The following CAMSAP2 variants were observed in gnomAD, a reference collection of about 807,000 sequenced individuals.
CAMSAP2 encodes the protein calmodulin regulated spectrin associated protein family member 2, also known as calmodulin-regulated spectrin-associated protein 2.
A neutral mutation model predicts 146.1 loss-of-function variants in CAMSAP2; 26 were observed. The ratio of observed to expected loss-of-function variants is 0.18; its 90% CI spans 0.13 to 0.25. The LOEUF is 0.25. CAMSAP2 is among the 10% of genes least tolerant of loss of function. The pLI, the probability that CAMSAP2 is intolerant of heterozygous loss-of-function variation, is 1.00. For synonymous variants in CAMSAP2, 499 were observed against 596.6 expected, an observed-to-expected ratio of 0.84 and a Z score of 2.38; for missense variants, 1,381 against 1,759.3, an observed-to-expected ratio of 0.78 and a Z score of 3.85.
rs1342213721 is a variant in CAMSAP2, at chr1:200,819,305, C to G, written c.645+3661C>G. 2.0e-5 allele frequency among the ~76,000 whole-genome samples: 3 copies of G among 152,062 alleles called. No homozygotes were observed. In the East Asian group the frequency reaches 5.8e-4, roughly 29 times the overall value. On this transcript the variant is annotated intron_variant, in intron 4 of 16. Transcript: ENST00000358823. Reference sequence around the variant, plus strand: ...TTTTTCCAAGTTGCTCATTTTGCTTCTAATACTTCTTTTGATTGTAAATTA... The same window carrying G: ...TTTTTCCAAGTTGCTCATTTTGCTTGTAATACTTCTTTTGATTGTAAATTA...
intron 2 of CAMSAP2, among the ~76,000 whole-genome samples, chr1:200,774,197 G>C (rs1387522775): frequency 6.6e-6 from 1 of 151,976 alleles, no homozygotes; most frequent in Non-Finnish European, 1.5e-5. Context: ...TAATGTCAGT[G>C]ATGTGATTTA....
chr1:200,837,273 G>A (rs146139768), intron 6 of CAMSAP2, among the ~76,000 whole-genome samples: 33 of 152,176 alleles, frequency 2.2e-4, no homozygotes, highest in African/African-American at 7.5e-4. Flanking sequence ...TTTATATAGT[G>A]TAAGGAAAGT....
At chr1:200,798,203 GA>G (rs1665938665) in intron 2 of CAMSAP2, among the ~76,000 whole-genome samples, 1 of 150,086 alleles carries the variant, frequency 6.7e-6, no homozygotes. Flanking sequence ...ATTCTGTGAA[GA>G]AAGTCATTGG....
chr1:200,799,975 G>A (rs981635820), intron 2 of CAMSAP2, among the ~76,000 whole-genome samples: 1 of 152,156 alleles, frequency 6.6e-6, no homozygotes, highest in South Asian at 2.1e-4. Flanking sequence ...TAGTTTAGCG[G>A]TTTTGAGTGA....
At chr1:200,761,177 G>A (rs1664790703) in intron 2 of CAMSAP2, 79 bp downstream of exon 2, 3 of 1,312,822 alleles carry the variant, frequency 2.3e-6, no homozygotes, top group African/African-American at 2.9e-5. Flanking sequence ...GTAAAACAGA[G>A]GGAAATGTTT....
intron 4 of CAMSAP2, among the ~76,000 whole-genome samples, chr1:200,819,212 A>G (rs1666684556): frequency 6.6e-6 from 1 of 152,170 alleles, no homozygotes; most frequent in Non-Finnish European, 1.5e-5. Context: ...AGAGAAAGGC[A>G]TTTTAAATAG....
At chr1:200,813,025 T>TA (rs1404228753) in intron 3 of CAMSAP2, among the ~76,000 whole-genome samples, 1 of 152,236 alleles carries the variant, frequency 6.6e-6, no homozygotes, top group Non-Finnish European at 1.5e-5. Context: ...GAAATTGTCT[T>TA]AGTCTGTTTG....
At chr1:200,773,680 C>T (rs1665183350) in intron 2 of CAMSAP2, among the ~76,000 whole-genome samples, 1 of 152,076 alleles carries the variant, frequency 6.6e-6, no homozygotes, top group African/African-American at 2.4e-5. Flanking sequence ...TAATAATGTT[C>T]TCCTAGTTTA....
In CAMSAP2 at chr1:200,849,726, C is replaced by T; in HGVS notation, c.2957C>T (p.Thr986Ile). 1 of 1,614,204 alleles carries T rather than the reference C, an allele frequency of 6.2e-7. No individual in the cohort carries two copies. The highest frequency in any genetic ancestry group is 8.5e-7 in the Non-Finnish European group (1 of 1,180,036). Residue 986 changes from threonine to isoleucine, a missense_variant, in exon 11 of 17, where the codon ACA (threonine) becomes ATA (isoleucine). Physicochemically the swap from Thr to Ile is moderately conservative, Grantham distance 89. Around this residue, in one of 4 missense-constraint regions of CAMSAP2, gnomAD observed 560 missense variants for 715.9 expected, o/e 0.78. Transcript: ENST00000358823. This position sits in a 1 kb window ranked among gnomAD's most constrained non-coding sequence, Gnocchi z 6.3. ...RTPRPNELKITPLNRTLTPPR... is the reference protein window; with the variant it reads ...RTPRPNELKIIPLNRTLTPPR... Reference sequence around the variant, plus strand: ...CCTAGGCCAAATGAGTTAAAAATAACACCTTTGAATCGAACCTTGACACCT... The same window carrying T: ...CCTAGGCCAAATGAGTTAAAAATAATACCTTTGAATCGAACCTTGACACCT...
At chr1:200,782,153 G>A (rs1409616115) in intron 2 of CAMSAP2, among the ~76,000 whole-genome samples, 4 of 152,150 alleles carry the variant, frequency 2.6e-5, no homozygotes, top group African/African-American at 9.7e-5. Flanking sequence ...AATCTTTAGA[G>A]CATTGGGAAA....
chr1:200,817,217 CATATGTGTGTGTAT>C (rs1231396425), intron 4 of CAMSAP2, among the ~76,000 whole-genome samples: 3 of 79,934 alleles, frequency 3.8e-5, no homozygotes, highest in African/African-American at 4.3e-5. Flanking sequence ...CACATACACA[CATATGTGTGTGTAT>C]ATACACACAT....
intron 2 of CAMSAP2, among the ~76,000 whole-genome samples, chr1:200,787,065 G>A (rs1665614445): frequency 6.6e-6 from 1 of 152,036 alleles, no homozygotes; most frequent in South Asian, 2.1e-4. Context: ...CGTTGACAAT[G>A]CGCGTGGTCA....
intron 1 of CAMSAP2, 102 bp downstream of exon 1, chr1:200,740,068 C>G (rs1327934746): frequency 1.5e-6 from 2 of 1,324,450 alleles, no homozygotes; most frequent in Non-Finnish European, 2.1e-6. Context: ...TGCCTGTCTT[C>G]TCGTACAGGT....
At chr1:200,805,739 A>AC (rs1666154767) in intron 2 of CAMSAP2, among the ~76,000 whole-genome samples, 1 of 152,216 alleles carries the variant, frequency 6.6e-6, no homozygotes. Flanking sequence ...TGTTAGGAGG[A>AC]CAACAAGCCA....
chr1:200,799,438 G>A (rs1249380631), intron 2 of CAMSAP2, among the ~76,000 whole-genome samples: 2 of 152,262 alleles, frequency 1.3e-5, no homozygotes, highest in Admixed American at 1.3e-4. Flanking sequence ...ATTTCTTCTA[G>A]ATTTTCTAGT....
intron 2 of CAMSAP2, among the ~76,000 whole-genome samples, chr1:200,794,442 G>A (rs1665830576): frequency 6.6e-6 from 1 of 152,122 alleles, no homozygotes; most frequent in Admixed American, 6.6e-5. Context: ...ATATTAATGG[G>A]GAATGTTATT....
rs768882721 is a variant in CAMSAP2 at position 200,848,454 on chromosome 1, A to T, written c.1685A>T (p.Asp562Val). The T allele has an allele frequency of 1.2e-6, 2 of 1,613,432 alleles. No individual in the cohort carries two copies. The highest frequency in any genetic ancestry group is 1.7e-6 in the Non-Finnish European group (2 of 1,179,724). ...TEKSPHTPQP[D>V]QIANGFFLHS... ...AAATCTCCTCATACACCTCAGCCAG[A>T]CCAAATTGCTAATGGCTTCTTTCTT... Residue 562 changes from aspartate to valine, a missense_variant, in exon 11 of 17, where the codon GAC becomes GTC. Physicochemically the swap from Asp to Val is radical, Grantham distance 152. Around this residue, in one of 4 missense-constraint regions of CAMSAP2, gnomAD observed 447 missense variants for 462.2 expected, o/e 0.97. Coordinates refer to ENST00000358823, the MANE Select transcript of CAMSAP2 (RefSeq NM_203459.4).
At chr1:200,807,636 C>A in intron 3 of CAMSAP2, 99 bp downstream of exon 3, 8 of 807,236 alleles carry the variant, frequency 9.9e-6, no homozygotes, top group African/African-American at 1.8e-5. Context: ...TGTTTCAAAT[C>A]AAAGTGCAAA....
At chr1:200,808,992 T>A (rs1405557036) in intron 3 of CAMSAP2, among the ~76,000 whole-genome samples, 3 of 152,220 alleles carry the variant, frequency 2.0e-5, no homozygotes, top group African/African-American at 7.2e-5. Context: ...GCTGGAGAAA[T>A]TTACACAAGG....
Sources: allele counts gnomAD v4.1 joint callset (sites outside exome capture counted in the v4.1 genomes callset), GRCh38; gene constraint gnomAD v4.1.1; regional missense constraint gnomAD v4.1.1; non-coding constraint Gnocchi (gnomAD v3.1); transcripts MANE v1.5; gene names NCBI Gene and HGNC (gene_info 2026-07-23, HGNC 2026-07-21).